The following ARHGAP24 variants were observed in gnomAD, a reference collection of about 807,000 sequenced individuals.
ARHGAP24 encodes rho GTPase-activating protein 24.
In ARHGAP24, 50 loss-of-function variants were observed where a neutral mutation model predicts 76.4. That is an observed-to-expected ratio of 0.65 (90% CI 0.52 to 0.83). The LOEUF (loss-of-function observed/expected upper bound fraction) is 0.83, where lower values mean the gene tolerates loss of function less well. Among genes scored for constraint, ARHGAP24 ranks in the 40% least tolerant of loss-of-function variants. ARHGAP24 has a pLI of 0.00. For synonymous variants in ARHGAP24, 345 were observed against 323.3 expected (o/e 1.07, Z -0.72); for missense variants, 930 against 914.2 (o/e 1.02, Z -0.22).
chr4:85,997,989 T>A (rs554045669), intron 9 of ARHGAP24, among the ~76,000 whole-genome samples: 1 of 152,170 alleles, frequency 6.6e-6, no homozygotes, highest in African/African-American at 2.4e-5. Context: ...AAATATTGTA[T>A]TGTGGTCAGA....
chr4:85,724,968 G>A (rs1725113945), intron 3 of ARHGAP24, among the ~76,000 whole-genome samples: 1 of 152,180 alleles, frequency 6.6e-6, no homozygotes, highest in Admixed American at 6.5e-5. Context: ...AAATGTGGTT[G>A]AGAAAGAAAG....
At chr4:85,552,573 G>T (rs558454686) in intron 1 of ARHGAP24, among the ~76,000 whole-genome samples, 2 of 152,068 alleles carry the variant, frequency 1.3e-5, no homozygotes, top group African/African-American at 4.8e-5. Context: ...GAATATTTTT[G>T]TTAACTTTGT....
chr4:85,523,140 A>T (rs1042166183), intron 1 of ARHGAP24, among the ~76,000 whole-genome samples: 1 of 152,210 alleles, frequency 6.6e-6, no homozygotes, highest in African/African-American at 2.4e-5. Flanking sequence ...GCAGAAATGG[A>T]GACCACATTC....
intron 3 of ARHGAP24, among the ~76,000 whole-genome samples, chr4:85,879,722 A>T (rs992391762): frequency 1.3e-5 from 2 of 152,028 alleles, no homozygotes; most frequent in Non-Finnish European, 2.9e-5. Context: ...TAATTAAATT[A>T]TATGTATTTA....
chr4:85,485,798 T>A (rs1033328442), intron 1 of ARHGAP24, among the ~76,000 whole-genome samples: 12 of 151,432 alleles, frequency 7.9e-5, no homozygotes, highest in Non-Finnish European at 1.3e-4. Flanking sequence ...GCAGTGGTGA[T>A]CTTGGCTCAC....
rs141561225 is a variant in ARHGAP24, at chr4:85,505,723, C to G, written c.-21+30164C>G. ...ATTACCGATCTTCTGAAGTCTAGTTCTATCAACTCGTCAAAGTCATTCTCC... is the reference window on the plus strand; with the variant it reads ...ATTACCGATCTTCTGAAGTCTAGTTGTATCAACTCGTCAAAGTCATTCTCC... On this transcript the variant is annotated intron_variant, in intron 1 of 9. Coordinates refer to ENST00000395184, the MANE Select transcript of ARHGAP24 (RefSeq NM_001025616.3). Among the ~76,000 whole-genome samples the G allele has an allele frequency of 2.5e-3, 381 of 152,178 alleles. 3 individuals carry two copies. The highest frequency in any genetic ancestry group is 8.5e-3 in the African/African-American group (353 of 41,534).
At chr4:85,644,121 A>G (rs1721634348) in intron 2 of ARHGAP24, among the ~76,000 whole-genome samples, 1 of 152,170 alleles carries the variant, frequency 6.6e-6, no homozygotes, top group Non-Finnish European at 1.5e-5. Flanking sequence ...GTGAAGGGCA[A>G]GTGACTTAAA....
intron 2 of ARHGAP24, among the ~76,000 whole-genome samples, chr4:85,673,537 C>G (rs926846800): frequency 6.6e-6 from 1 of 151,476 alleles, no homozygotes; most frequent in Admixed American, 6.6e-5. Flanking sequence ...TCTGTGCATG[C>G]AGTTTTCAAG....
intron 3 of ARHGAP24, among the ~76,000 whole-genome samples, chr4:85,836,527 G>A (rs1454503346): frequency 6.6e-6 from 1 of 152,086 alleles, no homozygotes; most frequent in Non-Finnish European, 1.5e-5. Flanking sequence ...ATCTATCACT[G>A]TGTCCCTATT....
chr4:85,825,440 T>C (rs1252358275), intron 3 of ARHGAP24, among the ~76,000 whole-genome samples: 4 of 152,152 alleles, frequency 2.6e-5, no homozygotes, highest in African/African-American at 9.7e-5. Context: ...CACACTACAG[T>C]TGAAAAAAAG....
In ARHGAP24 at chr4:85,891,091, G is replaced by A. The variant is rs72972003; in HGVS notation, c.269-32557G>A. Among the ~76,000 whole-genome samples the A allele has an allele frequency of 8.0e-3, 1,218 of 152,226 alleles. 10 individuals are homozygous for A. The highest frequency in any genetic ancestry group is 0.032 in the East Asian group (164 of 5,176). On this transcript the variant is annotated intron_variant, in intron 3 of 9. Coordinates refer to ENST00000395184, the MANE Select transcript of ARHGAP24 (RefSeq NM_001025616.3). The stretch of plus-strand genomic sequence containing the variant: ...GCAGGCAGTGGAAGTCAGCATGGTG[G>A]GGATGTAAACTGGACAGAGATTTTG...
intron 1 of ARHGAP24, among the ~76,000 whole-genome samples, chr4:85,497,976 C>A (rs1321043233): frequency 6.6e-6 from 1 of 152,136 alleles, no homozygotes; most frequent in Non-Finnish European, 1.5e-5. Context: ...TTGTAAATTT[C>A]TATTCTAAAT....
intron 1 of ARHGAP24, among the ~76,000 whole-genome samples, chr4:85,526,261 C>T (rs1393776715): frequency 6.6e-6 from 1 of 151,684 alleles, no homozygotes; most frequent in Non-Finnish European, 1.5e-5. Flanking sequence ...ATTAGCTGGG[C>T]GTGGTAGTGT....
intron 3 of ARHGAP24, among the ~76,000 whole-genome samples, chr4:85,767,584 A>G (rs1442817790): frequency 1.3e-5 from 2 of 152,198 alleles, no homozygotes; most frequent in East Asian, 3.9e-4. Flanking sequence ...CAAACTGAGT[A>G]CCTGGGAGGG....
chr4:85,776,935 A>G (rs1249866044), intron 3 of ARHGAP24, among the ~76,000 whole-genome samples: 1 of 152,246 alleles, frequency 6.6e-6, no homozygotes, highest in Non-Finnish European at 1.5e-5. Context: ...GAATATTTTT[A>G]GCAAATGCAA....
chr4:85,653,071 A>T (rs1361983563), intron 2 of ARHGAP24, among the ~76,000 whole-genome samples: 2 of 152,218 alleles, frequency 1.3e-5, no homozygotes, highest in African/African-American at 4.8e-5. Context: ...TAGAAAATTC[A>T]TATTGATGAA....
At chr4:85,595,075 C>T (rs1719753356) in intron 2 of ARHGAP24, among the ~76,000 whole-genome samples, 1 of 152,008 alleles carries the variant, frequency 6.6e-6, no homozygotes, top group Admixed American at 6.6e-5. Context: ...CCTTTTCTCC[C>T]AGGCTTGGAT....
intron 1 of ARHGAP24, among the ~76,000 whole-genome samples, chr4:85,531,945 C>A (rs970437038): frequency 5.9e-5 from 9 of 152,056 alleles, no homozygotes; most frequent in Admixed American, 5.2e-4. Flanking sequence ...CTAGTAGAGT[C>A]CTCAGACTTA....
intron 2 of ARHGAP24, among the ~76,000 whole-genome samples, chr4:85,612,401 C>A (rs182099185): frequency 1.6e-4 from 24 of 151,756 alleles, no homozygotes; most frequent in African/African-American, 5.6e-4. Flanking sequence ...TGGAGTGAGC[C>A]TCACTGCACT....
Sources: allele counts gnomAD v4.1 joint callset (sites outside exome capture counted in the v4.1 genomes callset), GRCh38; gene constraint gnomAD v4.1.1; transcripts MANE v1.5; gene names NCBI Gene and HGNC (gene_info 2026-07-23, HGNC 2026-07-21).